Variants in NMD3 observed in about 807,000 individuals in gnomAD.
NMD3 encodes the protein NMD3 ribosome export adaptor.
Under a neutral mutation model 73.1 loss-of-function variants are expected in NMD3, and 47 were observed. The ratio of observed to expected loss-of-function variants is 0.64; its 90% CI spans 0.51 to 0.82. The LOEUF is 0.82. NMD3 is among the 40% of genes least tolerant of loss of function. NMD3 has a pLI of 0.00. For synonymous variants in NMD3, 210 were observed against 194.5 expected, an observed-to-expected ratio of 1.08 and a Z score of -0.66; for missense variants, 554 against 612.5, an observed-to-expected ratio of 0.90 and a Z score of 1.01.
At chr3:161,233,750 T>G (rs1736630783) in intron 5 of NMD3, among the ~76,000 whole-genome samples, 2 of 152,198 alleles carry the variant, frequency 1.3e-5, no homozygotes, top group Non-Finnish European at 2.9e-5. Context: ...TCCTCAAACT[T>G]GGCTGATCAT....
intron 4 of NMD3, among the ~76,000 whole-genome samples, 157 bp downstream of exon 4, chr3:161,227,500 T>C (rs2108077044): frequency 7.0e-6 from 1 of 142,686 alleles, no homozygotes; most frequent in Non-Finnish European, 1.5e-5. Context: ...TAGGCTAGAG[T>C]ACAATGGTGT....
At chr3:161,224,198 C>G (rs537871891) in intron 2 of NMD3, among the ~76,000 whole-genome samples, 4 of 152,234 alleles carry the variant, frequency 2.6e-5, no homozygotes, top group Non-Finnish European at 5.9e-5. Context: ...CCCATACTGG[C>G]TATTTAAATG....
Position 161,230,753 on chromosome 3 carries a change from A to G in NMD3, c.277-2646A>G, listed in dbSNP as rs192725436. Among the ~76,000 whole-genome samples, 106 of 152,316 alleles carry G rather than the reference A, an allele frequency of 7.0e-4. 2 individuals carry two copies. Among genetic ancestry groups the G allele is most frequent in the African/African-American group, 2.4e-3 (101 of 41,570 alleles). ...GAGGTTGATCTTGATGGGAGTATGG[A>G]TAATTCATCTGTGGTAACAGCAGGG... is the stretch of plus-strand genomic sequence containing the variant. On this transcript the variant is annotated intron_variant, in intron 4 of 15. Transcript: ENST00000351193.
intron 11 of NMD3, 116 bp downstream of exon 11, chr3:161,242,769 AC>A: frequency 1.2e-6 from 1 of 819,036 alleles, no homozygotes; most frequent in Non-Finnish European, 1.8e-6. Flanking sequence ...CAAACTTAGC[AC>A]CACATTAGGA....
In NMD3 at chr3:161,241,154, A is replaced by G. The variant is rs772749040; in HGVS notation, c.862A>G (p.Thr288Ala). ...TGCCATTCACCTCATTGATCCAAAC[A>G]CCCTACAAGGTAAATTCTGGAAATG... is the stretch of plus-strand genomic sequence containing the variant. ...TSAIHLIDPN[T>A]LQVADIDGST... Residue 288 changes from threonine to alanine, a missense_variant, in exon 10 of 16, where the codon ACC becomes GCC. By Grantham distance (58) the Thr-to-Ala change is moderately conservative (BLOSUM62 0). Transcript: ENST00000351193. The G allele has an allele frequency of 2.9e-5, 46 of 1,585,760 alleles. 1 individual carries two copies. Among genetic ancestry groups the G allele is most frequent in the Non-Finnish European group, 3.8e-5 (44 of 1,155,512 alleles).
chr3:161,224,327 G>C (rs1736223759), intron 2 of NMD3, among the ~76,000 whole-genome samples: 1 of 152,152 alleles, frequency 6.6e-6, no homozygotes, highest in African/African-American at 2.4e-5. Flanking sequence ...GAACATTTCT[G>C]TCGTGGCATG....
At position 161,233,402 on chromosome 3, in the gene NMD3, C is replaced by A. The variant is rs759384327; in HGVS notation, c.280C>A (p.Arg94=). 6.2e-7 allele frequency: 1 copy of A among 1,605,972 alleles called. No homozygotes were observed. The highest frequency in any genetic ancestry group is 1.1e-5 in the South Asian group (1 of 89,736). The change falls in exon 5 of 16, where the codon CGG becomes AGG. Residue 94 remains arginine (R), a synonymous_variant. Transcript: ENST00000351193. ...TTTTGTTTGTGTTTTATTGAAGGTA[C>A]GGCTTGTAGATGCAGGCTTTGTTTG... is the stretch of plus-strand genomic sequence containing the variant. ...KKIKAPLSKV[R]LVDAGFVWTE...
At chr3:161,250,011 C>T (rs1737415413) in intron 14 of NMD3, among the ~76,000 whole-genome samples, 1 of 151,884 alleles carries the variant, frequency 6.6e-6, no homozygotes, top group Non-Finnish European at 1.5e-5. Context: ...GTGTGTTATT[C>T]CTCAAATAAT....
rs536377243 is a variant in NMD3, at chr3:161,241,284, G to A, written c.871+121G>A. 91 of 656,068 alleles carry A rather than the reference G, an allele frequency of 1.4e-4. No homozygotes were observed. In the South Asian group the frequency reaches 1.5e-3, roughly 11 times the overall value. 40.6% of individuals were successfully genotyped at this position (656,068 alleles called of 1,614,324 possible). A position where few individuals can be genotyped will look rare whatever the true frequency, so the allele number is the denominator to read the frequency against. ...TGTTTTGAAAGGTTAGTTAAAATTT[G>A]TGCTATTGTTTAATACAAAACATTG... On this transcript the variant is annotated intron_variant, in intron 10 of 15. Transcript: ENST00000351193.
intron 9 of NMD3, among the ~76,000 whole-genome samples, chr3:161,240,531 T>TTTTTTTTTTC (rs1736931114): frequency 6.9e-6 from 1 of 143,938 alleles, no homozygotes; most frequent in African/African-American, 2.7e-5. Context: ...CCTGGATTTT[T>TTTTTTTTTTC]TTTTTTTTTT....
At position 161,247,288 on chromosome 3, in the gene NMD3, T is replaced by C. The variant is rs1309012272; in HGVS notation, c.1161T>C (p.Asp387=). ...ATTTGGCCAACTGTAACTTAAATGA[T>C]GAGCATGTCAACAAAATGAACTCAG... ...GFDLANCNLN[D]EHVNKMNSDR... is the part of the protein sequence containing the mutation. Residue 387 remains aspartate (D), a synonymous_variant, in exon 13 of 16, where the codon GAT becomes GAC. Transcript: ENST00000351193. 6.2e-7 allele frequency: 1 copy of C among 1,612,048 alleles called. No individual in the cohort carries two copies. The highest frequency in any genetic ancestry group is 8.5e-7 in the Non-Finnish European group (1 of 1,178,506).
chr3:161,224,984 G>A lies in NMD3; in HGVS notation c.99G>A (p.Val33=), dbSNP rs907969644. The A allele has an allele frequency of 6.2e-7, 1 of 1,613,854 alleles. No homozygotes were observed. Among genetic ancestry groups the A allele is most frequent in the Non-Finnish European group, 8.5e-7 (1 of 1,179,890 alleles). ...PISPNPANIC[V]ACLRSKVDIS... is the part of the protein sequence containing the mutation. ...GTCCAAATCCTGCCAATATTTGTGT[G>A]GCCTGTTTGCGAAGTAAAGTGGACA... The change falls in exon 3 of 16, where the codon GTG becomes GTA. Residue 33 remains valine, a synonymous_variant. Transcript: ENST00000351193.
At chr3:161,252,387 A>G (rs1737526451), downstream of NMD3, 1 of 153,042 alleles carries the variant, frequency 6.5e-6, no homozygotes, top group African/African-American at 2.4e-5. Context: ...TTATTTAAGT[A>G]CTTTTATAAT....
intron 15 of NMD3, 100 bp from the exon 16 acceptor site, chr3:161,250,680 A>G (rs1737447802): frequency 2.8e-6 from 2 of 717,132 alleles, no homozygotes; most frequent in Admixed American, 3.0e-5. Flanking sequence ...TTACATAATA[A>G]TAATGATAAG....
Position 161,242,615 on chromosome 3 carries a change from A to G in NMD3, c.979A>G (p.Ile327Val), listed in dbSNP as rs763531750. 4 of 1,613,206 alleles carry G rather than the reference A, an allele frequency of 2.5e-6. No homozygotes were observed. The highest frequency in any genetic ancestry group is 1.3e-5 in the African/African-American group (1 of 74,896). The stretch of plus-strand genomic sequence containing the variant: ...GATGGAATGCAGCATAGTCCAAGAT[A>G]TAAAACGTGCTGCAGGTGCTGGAAT... ...IVMECSIVQD[I>V]KRAAGAGMIS... The change falls in exon 11 of 16, where the codon ATA becomes GTA. Residue 327 changes from isoleucine to valine, a missense_variant. Transcript: ENST00000351193.
chr3:161,241,703 G>A (rs1440940149), intron 10 of NMD3, among the ~76,000 whole-genome samples: 1 of 152,122 alleles, frequency 6.6e-6, no homozygotes, highest in Non-Finnish European at 1.5e-5. Context: ...ACAAGCGTGA[G>A]CCACCATGTC....
In NMD3 at chr3:161,242,645, T is replaced by C. The variant is rs1737037782; in HGVS notation, c.1009T>C (p.Ser337Pro). 6.2e-7 allele frequency: 1 copy of C among 1,609,332 alleles called. No individual in the cohort carries two copies. Among genetic ancestry groups the C allele is most frequent in the Non-Finnish European group, 8.5e-7 (1 of 1,177,662 alleles). ...IKRAAGAGMI[S>P]KKHTLGEVWV... Reference sequence around the variant, plus strand: ...ACGTGCTGCAGGTGCTGGAATGATATCAAAAAAGGTAAGCTACATCCTGCC... The same window carrying C: ...ACGTGCTGCAGGTGCTGGAATGATACCAAAAAAGGTAAGCTACATCCTGCC... Residue 337 changes from serine to proline, a missense_variant, in exon 11 of 16, where the codon TCA becomes CCA. By Grantham distance (74) the Ser-to-Pro change is moderately conservative. Coordinates refer to ENST00000351193, the MANE Select transcript of NMD3 (RefSeq NM_015938.5).
intron 14 of NMD3, 101 bp downstream of exon 14, chr3:161,249,661 G>T: frequency 1.3e-6 from 1 of 753,134 alleles, no homozygotes; most frequent in Non-Finnish European, 2.3e-6. Flanking sequence ...ATTGATCCTT[G>T]CACTCAATTA....
At chr3:161,238,902 T>C (rs2108090297) in intron 9 of NMD3, 76 bp downstream of exon 9, 1 of 686,774 alleles carries the variant, frequency 1.5e-6, no homozygotes, top group Non-Finnish European at 2.5e-6. Context: ...AATTTGTAGC[T>C]CCTGGTTTTC....
Sources: allele counts gnomAD v4.1 joint callset (sites outside exome capture counted in the v4.1 genomes callset), GRCh38; gene constraint gnomAD v4.1.1; transcripts MANE v1.5; gene names NCBI Gene and HGNC (gene_info 2026-07-23, HGNC 2026-07-21).